Variants in ST8SIA2 observed in about 807,000 individuals in gnomAD.
ST8SIA2 encodes the protein alpha-2,8-sialyltransferase 8B.
Under a neutral mutation model 37.6 loss-of-function variants are expected in ST8SIA2, and 22 were observed. That is an observed-to-expected ratio of 0.58 (90% CI 0.42 to 0.83). The LOEUF is 0.83. Ranked by LOEUF, ST8SIA2 falls within the 40% of genes least tolerant of loss-of-function variation. ST8SIA2 has a pLI of 0.00. For synonymous variants in ST8SIA2, 205 were observed against 201.2 expected (o/e 1.02, Z -0.16); for missense variants, 382 against 484.7 (o/e 0.79, Z 1.99).
chr15:92,422,164 T>C (rs2049639595), intron 1 of ST8SIA2: 1 of 152,202 alleles, frequency 6.6e-6, no homozygotes, highest in Non-Finnish European at 1.5e-5. Flanking sequence ...ACACTGGAGC[T>C]GCTATGGAAT....
At chr15:92,443,344 G>A (rs999365320) in intron 4 of ST8SIA2, among the ~76,000 whole-genome samples, 1 of 152,154 alleles carries the variant, frequency 6.6e-6, no homozygotes, top group African/African-American at 2.4e-5. Context: ...GCACAGGCAG[G>A]AAACCCAGGT....
rs536488416 is a variant in ST8SIA2 at position 92,436,887 on chromosome 15, A to G, written c.291-1466A>G. ...AGGCTCTTGAACCTGGACACACATT[A>G]AAGTCACCCGGGGAGCTTTTGAGAG... On this transcript the variant is annotated intron_variant, in intron 3 of 5. Coordinates refer to ENST00000268164, the MANE Select transcript of ST8SIA2 (RefSeq NM_006011.4). 3.1e-4 allele frequency among the ~76,000 whole-genome samples: 47 copies of G among 152,302 alleles called. 1 individual carries two copies. The highest frequency in any genetic ancestry group is 2.1e-3 in the Admixed American group (32 of 15,302).
intron 3 of ST8SIA2, among the ~76,000 whole-genome samples, chr15:92,437,031 G>A (rs893755158): frequency 2.6e-5 from 4 of 152,196 alleles, no homozygotes; most frequent in African/African-American, 4.8e-5. Flanking sequence ...ACGTACCATA[G>A]GTTGTGAACA....
intron 5 of ST8SIA2, among the ~76,000 whole-genome samples, chr15:92,450,643 C>T (rs531770846): frequency 6.6e-6 from 1 of 152,288 alleles, no homozygotes; most frequent in South Asian, 2.1e-4. Context: ...AGAACTCACT[C>T]ATTATCATGA....
At chr15:92,398,589 C>T (rs2049448896) in intron 1 of ST8SIA2, among the ~76,000 whole-genome samples, 2 of 152,218 alleles carry the variant, frequency 1.3e-5, no homozygotes, top group Admixed American at 1.3e-4. Flanking sequence ...TTGTAGAGCT[C>T]TGTGAGCCAG....
intron 1 of ST8SIA2, among the ~76,000 whole-genome samples, chr15:92,426,253 G>A (rs1044489476): frequency 1.3e-5 from 2 of 152,126 alleles, no homozygotes; most frequent in Non-Finnish European, 2.9e-5. Flanking sequence ...AAAAGGAAAT[G>A]GCAGCTGAGA....
chr15:92,467,274 C>T lies in ST8SIA2; in HGVS notation c.*2889C>T, dbSNP rs952702510. The T allele has an allele frequency of 5.9e-5, 9 of 153,476 alleles. No individual in the cohort carries two copies. Among genetic ancestry groups the T allele is most frequent in the Non-Finnish European group, 1.0e-4 (7 of 68,188 alleles). 9.5% of individuals were successfully genotyped at this position (153,476 alleles called of 1,614,324 possible). ...AACGTTTCCTGTACACCCTCACCCT[C>T]TCTCGTCCATCTCTGTTGCCTCTGC... is the stretch of plus-strand genomic sequence containing the variant. On this transcript the variant is annotated 3_prime_UTR_variant, in exon 6 of 6. Coordinates refer to ENST00000268164, the MANE Select transcript of ST8SIA2 (RefSeq NM_006011.4).
intron 1 of ST8SIA2, among the ~76,000 whole-genome samples, chr15:92,404,825 A>C (rs1182068074): frequency 1.4e-5 from 2 of 140,916 alleles, no homozygotes; most frequent in Non-Finnish European, 3.1e-5. Context: ...ACAGAGCAAG[A>C]CTCCATCTCA....
chr15:92,461,146 C>T (rs1329433336), intron 5 of ST8SIA2, among the ~76,000 whole-genome samples: 1 of 152,050 alleles, frequency 6.6e-6, no homozygotes, highest in Admixed American at 6.5e-5. Flanking sequence ...AACGCAGCCT[C>T]CTAAAAATTC....
chr15:92,394,035 C>G lies in ST8SIA2; in HGVS notation c.-30C>G, dbSNP rs376346311. On this transcript the variant is annotated 5_prime_UTR_variant, in exon 1 of 6. Transcript: ENST00000268164. Reference sequence around the variant, plus strand: ...CCGGCCCCTGCTCCTCGCGCCGGCCCGCGTGGGTCCCGGCGGGCGCGAACC... The same window carrying G: ...CCGGCCCCTGCTCCTCGCGCCGGCCGGCGTGGGTCCCGGCGGGCGCGAACC... The G allele has an allele frequency of 6.5e-7, 1 of 1,532,642 alleles. No homozygotes were observed. Among genetic ancestry groups the G allele is most frequent in the Non-Finnish European group, 8.8e-7 (1 of 1,136,540 alleles). 94.9% of individuals were successfully genotyped at this position (1,532,642 alleles called of 1,614,324 possible). A position where few individuals can be genotyped will look rare whatever the true frequency, so the allele number is the denominator to read the frequency against.
intron 1 of ST8SIA2, among the ~76,000 whole-genome samples, chr15:92,426,707 T>A (rs1291351822): frequency 6.6e-6 from 1 of 152,182 alleles, no homozygotes; most frequent in African/African-American, 2.4e-5. Context: ...GTTCTAGAGG[T>A]CTGTACAGCA....
chr15:92,413,255 C>G (rs2049562837), intron 1 of ST8SIA2, among the ~76,000 whole-genome samples: 1 of 152,182 alleles, frequency 6.6e-6, no homozygotes, highest in African/African-American at 2.4e-5. Flanking sequence ...CATAACCTAT[C>G]CTCCTCTCAG....
At chr15:92,451,320 G>T (rs1471759853) in intron 5 of ST8SIA2, among the ~76,000 whole-genome samples, 4 of 152,152 alleles carry the variant, frequency 2.6e-5, no homozygotes, top group African/African-American at 9.7e-5. Flanking sequence ...ACCACGGCAG[G>T]CAGCAACGCA....
chr15:92,405,183 G>A (rs1278154769), intron 1 of ST8SIA2, among the ~76,000 whole-genome samples: 3 of 152,196 alleles, frequency 2.0e-5, no homozygotes, highest in African/African-American at 7.2e-5. Context: ...CTATAAGATG[G>A]GTGAACTTTG....
intron 5 of ST8SIA2, among the ~76,000 whole-genome samples, chr15:92,450,409 A>G (rs1176037608): frequency 2.6e-5 from 4 of 152,266 alleles, no homozygotes; most frequent in Admixed American, 2.6e-4. Flanking sequence ...CTGTTTTCAC[A>G]CTGCTATAAA....
At chr15:92,405,551 C>T (rs1023195692) in intron 1 of ST8SIA2, among the ~76,000 whole-genome samples, 5 of 139,168 alleles carry the variant, frequency 3.6e-5, no homozygotes, top group African/African-American at 9.8e-5. Context: ...GGCAGGTGCT[C>T]GGGACACACT....
At chr15:92,429,929 A>ACTCTT in intron 1 of ST8SIA2, 120 bp from the exon 2 acceptor site, 1 of 1,078,638 alleles carries the variant, frequency 9.3e-7, no homozygotes, top group African/African-American at 1.6e-5. Flanking sequence ...CAGAGTCCAG[A>ACTCTT]ATGAGGTCTC....
At chr15:92,451,615 AG>A (rs2049882245) in intron 5 of ST8SIA2, among the ~76,000 whole-genome samples, 1 of 152,166 alleles carries the variant, frequency 6.6e-6, no homozygotes, top group South Asian at 2.1e-4. Flanking sequence ...TCAGAAATAC[AG>A]TCACACATTC....
At chr15:92,432,202 G>A (rs567517177) in intron 2 of ST8SIA2, among the ~76,000 whole-genome samples, 11 of 152,152 alleles carry the variant, frequency 7.2e-5, no homozygotes, top group Non-Finnish European at 1.3e-4. Context: ...CTCTTAGTGC[G>A]ATAACTCCTC....
Sources: allele counts gnomAD v4.1 joint callset (sites outside exome capture counted in the v4.1 genomes callset), GRCh38; gene constraint gnomAD v4.1.1; transcripts MANE v1.5; gene names NCBI Gene and HGNC (gene_info 2026-07-23, HGNC 2026-07-21).